The following AHI1 variants were observed in gnomAD, a reference collection of about 807,000 sequenced individuals.
AHI1 encodes jouberin.
In AHI1, 123 loss-of-function variants were observed where a neutral mutation model predicts 149.3. That is an observed-to-expected ratio of 0.82 (90% confidence interval 0.71 to 0.96). The LOEUF is 0.96. Ranked by LOEUF, AHI1 falls within the 40% of genes least tolerant of loss-of-function variation. AHI1 has a pLI of 0.00. For missense variants in AHI1, 1,439 were observed against 1,422.7 expected (o/e 1.01, Z -0.18); for synonymous variants, 475 against 459.8 (o/e 1.03, Z -0.42).
intron 5 of AHI1, among the ~76,000 whole-genome samples, chr6:135,477,822 A>G (rs2128116619): frequency 6.6e-6 from 1 of 152,178 alleles, no homozygotes; most frequent in Middle Eastern, 3.4e-3. Context: ...TAAATTACCC[A>G]GTCTCCGCTC....
chr6:135,451,595 C>T, intron 11 of AHI1, among the ~76,000 whole-genome samples: 1 of 152,060 alleles, frequency 6.6e-6, no homozygotes, highest in East Asian at 1.9e-4. Context: ...GAATACCTTA[C>T]TCTTTCTGGG....
At chr6:135,349,658 G>A (rs1791774883) in intron 24 of AHI1, among the ~76,000 whole-genome samples, 1 of 152,166 alleles carries the variant, frequency 6.6e-6, no homozygotes, top group African/African-American at 2.4e-5. Context: ...AATTCTAACT[G>A]AATCCTAAGA....
At chr6:135,402,794 T>C (rs1451908275) in intron 22 of AHI1, among the ~76,000 whole-genome samples, 1 of 152,210 alleles carries the variant, frequency 6.6e-6, no homozygotes, top group Non-Finnish European at 1.5e-5. Flanking sequence ...TCTGGCTTAC[T>C]TTAAGAATAT....
chr6:135,350,138 T>C (rs998809940), intron 24 of AHI1, among the ~76,000 whole-genome samples: 1 of 152,334 alleles, frequency 6.6e-6, no homozygotes, highest in Non-Finnish European at 1.5e-5. Flanking sequence ...CAGTAACATA[T>C]CCACAGGGCT....
In AHI1 at chr6:135,394,773, C is replaced by A. The variant is rs2128484977; in HGVS notation, c.3109+3G>T. ...GAATTGTCAAAGTAAGAAAGGGGCT[C>A]ACCGGTCTGAGTGAAACCAAACTGA... is the stretch of plus-strand genomic sequence containing the variant. On this transcript the variant is annotated splice_donor_region_variant and intron_variant, in intron 23 of 28. Coordinates refer to ENST00000265602, the MANE Select transcript of AHI1 (RefSeq NM_001134831.2). 6.2e-7 allele frequency: 1 copy of A among 1,610,096 alleles called. No individual in the cohort carries two copies. Among genetic ancestry groups the A allele is most frequent in the Non-Finnish European group, 8.5e-7 (1 of 1,177,778 alleles).
intron 23 of AHI1, among the ~76,000 whole-genome samples, chr6:135,389,865 A>G (rs891939359): frequency 1.3e-5 from 2 of 152,206 alleles, no homozygotes; most frequent in South Asian, 4.1e-4. Flanking sequence ...CTACCTACCC[A>G]TAACAGTGAT....
chr6:135,316,290 T>TA (rs533232197), intron 26 of AHI1, among the ~76,000 whole-genome samples: 2 of 152,178 alleles, frequency 1.3e-5, no homozygotes, highest in Non-Finnish European at 2.9e-5. Context: ...GTCCATTATT[T>TA]AAAAAATCAT....
At chr6:135,472,707 C>A (rs545589964) in intron 5 of AHI1, among the ~76,000 whole-genome samples, 2 of 152,108 alleles carry the variant, frequency 1.3e-5, no homozygotes, top group Non-Finnish European at 2.9e-5. Flanking sequence ...TGCAATAGTA[C>A]CTCAGTATTG....
At chr6:135,302,750 G>A in intron 26 of AHI1, 1 of 1,287,244 alleles carries the variant, frequency 7.8e-7, no homozygotes, top group South Asian at 1.2e-5. Context: ...CATATAGGTA[G>A]TTACTCATGG....
At chr6:135,467,129 G>C (rs1033029303) in intron 6 of AHI1, among the ~76,000 whole-genome samples, 2 of 152,256 alleles carry the variant, frequency 1.3e-5, no homozygotes, top group African/African-American at 4.8e-5. Context: ...CCAGCAAAGA[G>C]AGAAAGGGCA....
chr6:135,323,011 A>AT (rs1323538914), intron 25 of AHI1, 151 bp downstream of exon 25: 6 of 844,310 alleles, frequency 7.1e-6, no homozygotes, highest in Admixed American at 3.4e-5. Context: ...TCCTCTTTTT[A>AT]TTTTTTTACA....
intron 8 of AHI1, among the ~76,000 whole-genome samples, chr6:135,460,475 G>C (rs1789697838): frequency 6.6e-6 from 1 of 152,060 alleles, no homozygotes; most frequent in South Asian, 2.1e-4. Context: ...AAAATGTCAA[G>C]TCTCTTTAGA....
intron 21 of AHI1, among the ~76,000 whole-genome samples, chr6:135,409,702 T>C (rs968806358): frequency 6.6e-6 from 1 of 152,058 alleles, no homozygotes; most frequent in Admixed American, 6.6e-5. Flanking sequence ...TCTTTTTTTC[T>C]CCCCCCCATT....
intron 26 of AHI1, among the ~76,000 whole-genome samples, chr6:135,306,021 G>A (rs1037313671): frequency 2.6e-5 from 4 of 152,056 alleles, no homozygotes; most frequent in Non-Finnish European, 5.9e-5. Flanking sequence ...TTGCTTTTAT[G>A]TTTCATTTTG....
chr6:135,322,477 C>CT (rs34814575), intron 25 of AHI1, among the ~76,000 whole-genome samples: 42 of 150,636 alleles, frequency 2.8e-4, no homozygotes, highest in African/African-American at 6.6e-4. Context: ...TTCCCTAGCT[C>CT]TTTTTTTTTT....
chr6:135,322,609 C>T (rs375380962), intron 25 of AHI1, among the ~76,000 whole-genome samples: 72 of 152,298 alleles, frequency 4.7e-4, no homozygotes, highest in African/African-American at 1.6e-3. Context: ...TTTGTCAACA[C>T]GTGCACATAA....
intron 25 of AHI1, 99 bp downstream of exon 25, chr6:135,323,063 A>C: frequency 7.7e-7 from 1 of 1,297,148 alleles, no homozygotes; most frequent in Non-Finnish European, 1.0e-6. Context: ...AACATATGCA[A>C]AGGTTACAAA....
chr6:135,284,443 G>C lies in AHI1; in HGVS notation c.*1202C>G, dbSNP rs1006225284. The C allele has an allele frequency of 1.3e-5, 2 of 151,944 alleles. No individual in the cohort carries two copies. The highest frequency in any genetic ancestry group is 4.8e-5 in the African/African-American group (2 of 41,340). 9.4% of individuals were successfully genotyped at this position (151,944 alleles called of 1,614,324 possible). On this transcript the variant is annotated 3_prime_UTR_variant, in exon 29 of 29. Transcript: ENST00000265602. ...ATTTTATATTAGTTTTCACTTTCTT[G>C]GGGTTAAATATTTTATCAGCAGACC...
At chr6:135,400,331 T>C (rs908960810) in intron 22 of AHI1, among the ~76,000 whole-genome samples, 1 of 152,182 alleles carries the variant, frequency 6.6e-6, no homozygotes, top group Non-Finnish European at 1.5e-5. Flanking sequence ...GTGAATAATA[T>C]GTTCCGAGGT....
Sources: allele counts gnomAD v4.1 joint callset (sites outside exome capture counted in the v4.1 genomes callset), GRCh38; gene constraint gnomAD v4.1.1; transcripts MANE v1.5; gene names NCBI Gene and HGNC (gene_info 2026-07-23, HGNC 2026-07-21).